The following LDHC variants were observed in gnomAD, a reference collection of about 807,000 sequenced individuals.
LDHC encodes lactate dehydrogenase C, also known as L-lactate dehydrogenase C chain.
LDHC carries 20 observed loss-of-function variants against 30.2 expected under a neutral mutation model. That is an observed-to-expected ratio of 0.66 (90% CI 0.47 to 0.96). The LOEUF (loss-of-function observed/expected upper bound fraction) is 0.96, where lower values mean the gene tolerates loss of function less well. LDHC is among the 40% of genes least tolerant of loss of function. LDHC has a pLI of 0.00. For synonymous variants in LDHC, 139 were observed against 132.7 expected (o/e 1.05, Z -0.32); for missense variants, 362 against 394.9 (o/e 0.92, Z 0.71).
At chr11:18,413,427 G>C (rs1171670473) in intron 2 of LDHC, among the ~76,000 whole-genome samples, 1 of 141,812 alleles carries the variant, frequency 7.1e-6, no homozygotes, top group Non-Finnish European at 1.5e-5. Context: ...CTCCCTCTCT[G>C]CTTTTGGAGT....
rs918010404 is a variant in LDHC, at chr11:18,448,431, G to T, written c.834+2098G>T. Among the ~76,000 whole-genome samples, 9 of 151,988 alleles carry T rather than the reference G, an allele frequency of 5.9e-5. 1 individual carries two copies. In the East Asian group the frequency reaches 1.5e-3, roughly 26 times the overall value. ...CCTAAGTAGCTGGGATTACAGGCAC[G>T]TGCCACCACGCCTGGCTATTTTTTG... On this transcript the variant is annotated intron_variant, in intron 7 of 7. Coordinates refer to ENST00000541669, the MANE Select transcript of LDHC (RefSeq NM_017448.5).
chr11:18,421,690 A>C (rs1231186135), intron 3 of LDHC, among the ~76,000 whole-genome samples: 1 of 151,604 alleles, frequency 6.6e-6, no homozygotes, highest in Non-Finnish European at 1.5e-5. Flanking sequence ...AACAAAAAAC[A>C]CAGAGATGGG....
intron 5 of LDHC, 23 bp from the exon 6 acceptor site, chr11:18,438,505 A>AT: frequency 6.8e-7 from 1 of 1,461,824 alleles, no homozygotes; most frequent in Admixed American, 1.7e-5. Context: ...AGAAGAGTTT[A>AT]TTTTGAGATC....
intron 6 of LDHC, among the ~76,000 whole-genome samples, chr11:18,444,528 C>T (rs2133845466): frequency 6.8e-6 from 1 of 147,864 alleles, no homozygotes; most frequent in South Asian, 2.2e-4. Flanking sequence ...GATAGTGGCC[C>T]TGATTTTGGA....
At chr11:18,435,601 T>C (rs1173037973) in intron 5 of LDHC, among the ~76,000 whole-genome samples, 1 of 152,156 alleles carries the variant, frequency 6.6e-6, no homozygotes, top group Non-Finnish European at 1.5e-5. Flanking sequence ...AGGTATTTCT[T>C]TATAGCAATG....
chr11:18,451,360 A>T lies in LDHC; in HGVS notation c.*233A>T, dbSNP rs747144994. 7.1e-6 allele frequency: 2 copies of T among 282,228 alleles called. No individual in the cohort carries two copies. Among genetic ancestry groups the T allele is most frequent in the Non-Finnish European group, 1.3e-5 (2 of 155,158 alleles). The allele number at this position is 282,228 out of a possible 1,614,324, so 17.5% of individuals were successfully genotyped here. On this transcript the variant is annotated 3_prime_UTR_variant, in exon 8 of 8. Transcript: ENST00000541669. Reference sequence around the variant, plus strand: ...CCCAATCTGTACAGGTGTAAGTTATACTTCTGAGGTATGTCACATATGTTA... The same window carrying T: ...CCCAATCTGTACAGGTGTAAGTTATTCTTCTGAGGTATGTCACATATGTTA...
chr11:18,426,418 T>A lies in LDHC; in HGVS notation c.245-3319T>A, dbSNP rs191524522. Among the ~76,000 whole-genome samples, 80 of 151,182 alleles carry A rather than the reference T, an allele frequency of 5.3e-4. No homozygotes were observed. The East Asian group carries it at 0.013, about 25-fold the overall frequency. ...GGCGGGTCCCTGTAATCCCAGATAC[T>A]TGGGAGGCTGAAGCAGGAGAATCAC... On this transcript the variant is annotated intron_variant, in intron 3 of 7. Transcript: ENST00000541669.
Position 18,429,729 on chromosome 11 carries a change from C to A in LDHC, c.245-8C>A, listed in dbSNP as rs1240696588. The A allele has an allele frequency of 2.6e-6, 4 of 1,567,856 alleles. No individual in the cohort carries two copies. The African/African-American group carries it at 5.4e-5, about 21-fold the overall frequency. ...TGATCCAAATATAGTATTTTGTTTC[C>A]TTTTTAGATTACAGTGTATCTGCAA... On this transcript the variant is annotated splice_polypyrimidine_tract_variant and splice_region_variant and intron_variant, in intron 3 of 7. Transcript: ENST00000541669.
intron 3 of LDHC, among the ~76,000 whole-genome samples, chr11:18,428,971 G>A (rs1354914251): frequency 2.0e-5 from 3 of 151,938 alleles, no homozygotes; most frequent in African/African-American, 7.3e-5. Flanking sequence ...CATTTAGTAC[G>A]TAGTTTATTT....
intron 3 of LDHC, among the ~76,000 whole-genome samples, chr11:18,426,229 T>C (rs143918175): frequency 6.6e-6 from 1 of 152,008 alleles, no homozygotes. Context: ...ACATAGAGGC[T>C]GCTAAGATAT....
At chr11:18,425,633 T>C (rs1345540996) in intron 3 of LDHC, among the ~76,000 whole-genome samples, 1 of 152,012 alleles carries the variant, frequency 6.6e-6, no homozygotes, top group Non-Finnish European at 1.5e-5. Context: ...TATTTCACAA[T>C]AGAACATTTT....
chr11:18,414,035 C>T (rs191522817), intron 2 of LDHC, among the ~76,000 whole-genome samples: 2 of 152,122 alleles, frequency 1.3e-5, no homozygotes, highest in South Asian at 2.1e-4. Context: ...TGGCTTAATT[C>T]GTAGAGCCTT....
intron 5 of LDHC, among the ~76,000 whole-genome samples, chr11:18,437,853 C>T (rs949369082): frequency 1.3e-5 from 2 of 151,558 alleles, no homozygotes; most frequent in South Asian, 2.1e-4. Context: ...TCACTTGAGG[C>T]CAGGAGTTTA....
In LDHC at chr11:18,428,554, C is replaced by A. The variant is rs74860552; in HGVS notation, c.245-1183C>A. Among the ~76,000 whole-genome samples, 479 of 152,132 alleles carry A rather than the reference C, an allele frequency of 3.1e-3. 5 individuals carry two copies. The highest frequency in any genetic ancestry group is 0.011 in the African/African-American group (463 of 41,528). On this transcript the variant is annotated intron_variant, in intron 3 of 7. Coordinates refer to ENST00000541669, the MANE Select transcript of LDHC (RefSeq NM_017448.5). ...TTTTTACATCCACATGGTAGATAAT[C>A]TTCAGCTATATAGTGCTTTTTAAAA...
chr11:18,413,124 C>T (rs1049463494), intron 2 of LDHC, among the ~76,000 whole-genome samples: 2 of 151,216 alleles, frequency 1.3e-5, no homozygotes, highest in Non-Finnish European at 2.9e-5. Context: ...GTCTGTTACC[C>T]AGGTTGGAGT....
chr11:18,412,473 G>A, intron 1 of LDHC, 65 bp downstream of exon 1: 2 of 426,242 alleles, frequency 4.7e-6, no homozygotes, highest in Non-Finnish European at 4.3e-6. Context: ...GTGAGCGTGT[G>A]GTGCTGGGGT....
chr11:18,413,196 C>G (rs1438519992), intron 2 of LDHC, among the ~76,000 whole-genome samples: 2 of 151,982 alleles, frequency 1.3e-5, no homozygotes, highest in African/African-American at 4.8e-5. Flanking sequence ...ATTCTCCTGC[C>G]TCAGCCTCTT....
chr11:18,412,364 C>T lies in LDHC; in HGVS notation c.-54C>T, dbSNP rs1483471628. On this transcript the variant is annotated 5_prime_UTR_variant, in exon 1 of 8. Coordinates refer to ENST00000541669, the MANE Select transcript of LDHC (RefSeq NM_017448.5). ...TCGACGGGCTTAGCGCCTCAACTGT[C>T]GTTGGTGTATTTTTCTGGTGTCACT... 2 of 173,914 alleles carry T rather than the reference C, an allele frequency of 1.1e-5. No individual in the cohort carries two copies. Among genetic ancestry groups the T allele is most frequent in the Non-Finnish European group, 2.5e-5 (2 of 81,530 alleles). The allele number at this position is 173,914 out of a possible 1,614,324, so 10.8% of individuals were successfully genotyped here.
chr11:18,449,110 A>C (rs1004561517), intron 7 of LDHC, among the ~76,000 whole-genome samples: 15 of 152,270 alleles, frequency 9.9e-5, no homozygotes, highest in African/African-American at 3.6e-4. Flanking sequence ...GTAGGGAAGC[A>C]GAGGGACTTC....
Sources: allele counts gnomAD v4.1 joint callset (sites outside exome capture counted in the v4.1 genomes callset), GRCh38; gene constraint gnomAD v4.1.1; transcripts MANE v1.5; gene names NCBI Gene and HGNC (gene_info 2026-07-23, HGNC 2026-07-21).